Variants in STRN observed in about 807,000 individuals in gnomAD.
STRN encodes the protein striatin, also known as protein phosphatase 2 regulatory subunit B'''alpha.
STRN carries 53 observed loss-of-function variants against 96.3 expected under a neutral mutation model. The ratio of observed to expected loss-of-function variants is 0.55; its 90% CI spans 0.44 to 0.69. The LOEUF is 0.69. STRN is among the 30% of genes least tolerant of loss of function. STRN has a pLI of 0.00. For missense variants in STRN, 987 were observed against 963.9 expected, an observed-to-expected ratio of 1.02 and a Z score of -0.32; for synonymous variants, 428 against 355.9, an observed-to-expected ratio of 1.20 and a Z score of -2.28.
chr2:36,876,130 T>G (rs959751612), intron 10 of STRN, among the ~76,000 whole-genome samples: 1 of 151,540 alleles, frequency 6.6e-6, no homozygotes, highest in Non-Finnish European at 1.5e-5. Context: ...AGTACCTGGG[T>G]GTGATGGTGC....
At chr2:36,874,263 C>CAA (rs773719537) in intron 10 of STRN, among the ~76,000 whole-genome samples, 9 of 116,884 alleles carry the variant, frequency 7.7e-5, no homozygotes, top group Admixed American at 2.7e-4. Context: ...AACTCTGTCT[C>CAA]AAAAAAAAAA....
intron 13 of STRN, among the ~76,000 whole-genome samples, chr2:36,858,918 G>A (rs964853): frequency 0.95 from 144,376 of 152,264 alleles, 68,924 homozygotes; most frequent in East Asian, 1. Context: ...GAATGAGTGA[G>A]AACTTGGAGA....
intron 1 of STRN, among the ~76,000 whole-genome samples, chr2:36,929,798 G>A (rs1411927559): frequency 1.3e-5 from 2 of 152,190 alleles, no homozygotes; most frequent in Non-Finnish European, 2.9e-5. Flanking sequence ...TCTTGGGTTG[G>A]ACACTTTTCA....
Position 36,838,303 on chromosome 2 carries a change from C to G in STRN, c.*11153G>C, listed in dbSNP as rs1047928050. On this transcript the variant is annotated 3_prime_UTR_variant, in exon 18 of 18. Coordinates refer to ENST00000263918, the MANE Select transcript of STRN (RefSeq NM_003162.4). ...GCTGGAAGCGAATTCCTCCTCAGAG[C>G]TTTAGTTGAGTACCCACCCTGGAAG... is the stretch of plus-strand genomic sequence containing the variant. Among the ~76,000 whole-genome samples, 1 of 152,276 alleles carries G rather than the reference C, an allele frequency of 6.6e-6. No individual in the cohort carries two copies. The highest frequency in any genetic ancestry group is 2.4e-5 in the African/African-American group (1 of 41,562).
At chr2:36,880,624 A>C (rs1211397123) in intron 9 of STRN, among the ~76,000 whole-genome samples, 1 of 152,216 alleles carries the variant, frequency 6.6e-6, no homozygotes, top group Non-Finnish European at 1.5e-5. Flanking sequence ...AAACAACTCT[A>C]AACATTTACT....
intron 10 of STRN, among the ~76,000 whole-genome samples, chr2:36,877,658 C>A (rs968092488): frequency 6.6e-6 from 1 of 151,306 alleles, no homozygotes; most frequent in Admixed American, 6.5e-5. Context: ...GCCATAGCCC[C>A]CCTAGTAGCT....
At chr2:36,869,484 A>G in intron 11 of STRN, 70 bp downstream of exon 11, 2 of 1,259,932 alleles carry the variant, frequency 1.6e-6, no homozygotes, top group Non-Finnish European at 2.1e-6. Context: ...CAGAAATCAT[A>G]AAATATGTAG....
chr2:36,908,683 G>A (rs887591269), intron 3 of STRN, among the ~76,000 whole-genome samples: 1 of 152,246 alleles, frequency 6.6e-6, no homozygotes, highest in African/African-American at 2.4e-5. Context: ...AGTAACATCT[G>A]AGGTTATGGC....
intron 2 of STRN, among the ~76,000 whole-genome samples, chr2:36,923,232 T>G (rs145405263): frequency 8.0e-4 from 122 of 151,924 alleles, no homozygotes; most frequent in African/African-American, 2.6e-3. Flanking sequence ...GTGGATTACC[T>G]GAGGTCAGTA....
In STRN at chr2:36,894,004, G is replaced by T. The variant is rs748378227; in HGVS notation, c.825C>A (p.Ser275Arg). Reference protein sequence around the residue: ...TIVRKKALPDSGEDRDTKEAL... With the variant: ...TIVRKKALPDRGEDRDTKEAL... ...CTTCTTTTGTATCTCGATCTTCACCGCTGTCAGGCAATGCTTTTTTCCTAA... is the reference window on the plus strand; with the variant it reads ...CTTCTTTTGTATCTCGATCTTCACCTCTGTCAGGCAATGCTTTTTTCCTAA... Residue 275 changes from serine to arginine, a missense_variant, in exon 7 of 18, where the codon AGC becomes AGA. Ser to Arg is a moderately radical substitution (Grantham distance 110). Transcript: ENST00000263918. 6.2e-7 allele frequency: 1 copy of T among 1,612,656 alleles called. No individual in the cohort carries two copies. The highest frequency in any genetic ancestry group is 8.5e-7 in the Non-Finnish European group (1 of 1,179,582).
At chr2:36,911,714 A>C (rs1369717659) in intron 3 of STRN, among the ~76,000 whole-genome samples, 1 of 152,036 alleles carries the variant, frequency 6.6e-6, no homozygotes, top group Non-Finnish European at 1.5e-5. Context: ...ATGGCTTATC[A>C]CTTCAATCAT....
At position 36,961,495 on chromosome 2, in the gene STRN, A is replaced by G. The variant is rs541697624; in HGVS notation, c.234+4735T>C. On this transcript the variant is annotated intron_variant, in intron 1 of 17. Transcript: ENST00000263918. ...AACCCCACATTCTATCCTTTAGCAC[A>G]TCTTGTTGGCTCTACCTTTAAAAAT... 1.1e-4 allele frequency among the ~76,000 whole-genome samples: 16 copies of G among 152,178 alleles called. No homozygotes were observed. The East Asian group carries it at 2.7e-3, about 26-fold the overall frequency.
Position 36,843,975 on chromosome 2 carries a change from A to T in STRN, c.*5481T>A, listed in dbSNP as rs1668005646. 2 of 152,170 alleles carry T rather than the reference A, an allele frequency of 1.3e-5. No homozygotes were observed. Among genetic ancestry groups the T allele is most frequent in the Non-Finnish European group, 2.9e-5 (2 of 68,012 alleles). 9.4% of individuals were successfully genotyped at this position (152,170 alleles called of 1,614,324 possible). ...TAACTAAAATTTAAAATACCTGAAG[A>T]TCAAACAATCTGGCCCAGGGCTCAC... is the stretch of plus-strand genomic sequence containing the variant. On this transcript the variant is annotated 3_prime_UTR_variant, in exon 18 of 18. Coordinates refer to ENST00000263918, the MANE Select transcript of STRN (RefSeq NM_003162.4).
chr2:36,947,445 C>T (rs1206176702), intron 1 of STRN, among the ~76,000 whole-genome samples: 1 of 151,362 alleles, frequency 6.6e-6, no homozygotes, highest in Non-Finnish European at 1.5e-5. Context: ...TAAATTAATT[C>T]ATTTAACCAC....
At chr2:36,888,551 C>A (rs1669299302) in intron 7 of STRN, among the ~76,000 whole-genome samples, 1 of 152,062 alleles carries the variant, frequency 6.6e-6, no homozygotes, top group African/African-American at 2.4e-5. Context: ...CCCCAGATGG[C>A]CAATTCCCTC....
At chr2:36,882,028 A>T (rs1405569991) in intron 9 of STRN, among the ~76,000 whole-genome samples, 1 of 152,216 alleles carries the variant, frequency 6.6e-6, no homozygotes, top group East Asian at 1.9e-4. Context: ...TGATGTGTTG[A>T]TTCTTTGTAT....
intron 1 of STRN, among the ~76,000 whole-genome samples, chr2:36,958,462 C>T (rs1000686597): frequency 1.1e-4 from 17 of 152,032 alleles, no homozygotes; most frequent in African/African-American, 1.7e-4. Context: ...AAGAAATGAC[C>T]GAGCAGATTT....
chr2:36,937,411 G>C (rs1373597929), intron 1 of STRN, among the ~76,000 whole-genome samples: 4 of 151,896 alleles, frequency 2.6e-5, no homozygotes, highest in African/African-American at 9.7e-5. Context: ...GCTCAAGCCT[G>C]TAATCTTATC....
At chr2:36,855,483 T>A in intron 14 of STRN, 131 bp from the exon 15 acceptor site, 1 of 882,012 alleles carries the variant, frequency 1.1e-6, no homozygotes, top group Non-Finnish European at 1.7e-6. Context: ...GAATAAGAAT[T>A]AGCTCATAAC....
Sources: gnomAD v4.1 joint callset for allele counts (sites outside exome capture counted in the v4.1 genomes callset) on GRCh38, gnomAD v4.1.1 for gene constraint, MANE v1.5 for transcripts, NCBI Gene and HGNC (gene_info 2026-07-23, HGNC 2026-07-21) for gene names.